AFG2A: variants seen among roughly 807,000 people sequenced by gnomAD.
The protein encoded by AFG2A is ATPase family gene 2 protein homolog A.
At chr4:123,083,460 A>T in the AFG2A span, among the ~76,000 whole-genome samples, 2 of 152,056 alleles carry the variant, frequency 1.3e-5, no homozygotes, top group Non-Finnish European at 2.9e-5. Context: ...ATATAATGTT[A>T]CATCAGTTGT....
chr4:122,991,620 A>T, the AFG2A span, among the ~76,000 whole-genome samples: 1 of 152,248 alleles, frequency 6.6e-6, no homozygotes, highest in Admixed American at 6.5e-5. Flanking sequence ...CTTTTTATAT[A>T]ATGCAGTTGT....
chr4:123,214,261 G>T, the AFG2A span, among the ~76,000 whole-genome samples: 1 of 152,052 alleles, frequency 6.6e-6, no homozygotes, highest in Admixed American at 6.6e-5. Context: ...ACCAACAAAG[G>T]TCACTGGGGT....
chr4:123,043,788 G>T, the AFG2A span, among the ~76,000 whole-genome samples: 3 of 152,186 alleles, frequency 2.0e-5, no homozygotes, highest in Non-Finnish European at 4.4e-5. Context: ...TGTTTGATGA[G>T]ACAAATAAGC....
chr4:123,260,533 T>C, the AFG2A span, among the ~76,000 whole-genome samples: 1 of 152,192 alleles, frequency 6.6e-6, no homozygotes, highest in Non-Finnish European at 1.5e-5. Context: ...TGATTAACGT[T>C]TTTTCTGACA....
chr4:122,947,519 T>C, the AFG2A span: 2 of 1,503,566 alleles, frequency 1.3e-6, no homozygotes, highest in Non-Finnish European at 1.8e-6. Context: ...TGAGTCTCTA[T>C]TGATGCACTT....
chr4:123,261,200 A>G, the AFG2A span, among the ~76,000 whole-genome samples: 1 of 152,156 alleles, frequency 6.6e-6, no homozygotes. Flanking sequence ...CCTAATCAGA[A>G]ACTGCCCTAT....
chr4:123,151,590 C>T, the AFG2A span, among the ~76,000 whole-genome samples: 1 of 152,140 alleles, frequency 6.6e-6, no homozygotes, highest in Non-Finnish European at 1.5e-5. Flanking sequence ...TACCATCTCT[C>T]ACCAGTTAGA....
chr4:123,298,222 T>C, the AFG2A span, among the ~76,000 whole-genome samples: 4 of 152,148 alleles, frequency 2.6e-5, no homozygotes, highest in Non-Finnish European at 4.4e-5. Flanking sequence ...TCTGTAGGGT[T>C]TTGATTACTG....
At chr4:123,228,379 A>G in the AFG2A span, among the ~76,000 whole-genome samples, 1 of 151,874 alleles carries the variant, frequency 6.6e-6, no homozygotes, top group African/African-American at 2.4e-5. Flanking sequence ...TTCCATGTTT[A>G]GTCCCAGCAC....
At chr4:123,299,117 ATGTG>A in the AFG2A span, among the ~76,000 whole-genome samples, 3,795 of 147,194 alleles carry the variant, frequency 0.026, 154 homozygotes, top group African/African-American at 0.085. Context: ...GCATCTGCCA[ATGTG>A]TGTGTGTGTG....
chr4:123,191,807 T>C, the AFG2A span, among the ~76,000 whole-genome samples: 1 of 152,160 alleles, frequency 6.6e-6, no homozygotes, highest in Admixed American at 6.6e-5. Flanking sequence ...TTTGTAGTTC[T>C]TTATATAATC....
At chr4:123,093,518 AG>A in the AFG2A span, among the ~76,000 whole-genome samples, 988 of 152,298 alleles carry the variant, frequency 6.5e-3, 14 homozygotes, top group African/African-American at 0.022. Context: ...GGCTTTGGCC[AG>A]TTTCTTCACT....
the AFG2A span, among the ~76,000 whole-genome samples, chr4:123,118,027 A>C: frequency 6.6e-6 from 1 of 151,908 alleles, no homozygotes; most frequent in African/African-American, 2.4e-5. Flanking sequence ...AAGCAAAGCA[A>C]TAAACTTCAT....
At chr4:123,028,468 T>TATTCGTTCTCCTAA in the AFG2A span, 1 of 1,267,464 alleles carries the variant, frequency 7.9e-7, no homozygotes, top group Non-Finnish European at 1.1e-6. Context: ...CTCCTACCTT[T>TATTCGTTCTCCTAA]AGGAGAACGA....
chr4:123,256,252 T>C, the AFG2A span: 1 of 1,550,292 alleles, frequency 6.5e-7, no homozygotes, highest in Non-Finnish European at 8.8e-7. Flanking sequence ...CAAAATAAAT[T>C]GCTTGCCCTG....
chr4:122,925,303 A>C, the AFG2A span, among the ~76,000 whole-genome samples: 3 of 152,186 alleles, frequency 2.0e-5, no homozygotes, highest in African/African-American at 7.2e-5. Context: ...CTGATTTTCC[A>C]GCTTCCAATT....
the AFG2A span, among the ~76,000 whole-genome samples, chr4:123,049,371 T>C: frequency 6.6e-6 from 1 of 152,176 alleles, no homozygotes. Context: ...CTTCATTGAA[T>C]AAATTTGAAT....
At chr4:122,998,688 T>C in the AFG2A span, among the ~76,000 whole-genome samples, 3 of 152,170 alleles carry the variant, frequency 2.0e-5, no homozygotes, top group East Asian at 1.9e-4. Flanking sequence ...ATATGTGCCA[T>C]ATTTTCTTAA....
the AFG2A span, among the ~76,000 whole-genome samples, chr4:123,222,113 G>A: frequency 3.3e-5 from 5 of 152,130 alleles, no homozygotes; most frequent in Admixed American, 1.3e-4. Flanking sequence ...TTACTTATTT[G>A]TATTTCTGGC....
Sources: allele counts gnomAD v4.1 joint callset (sites outside exome capture counted in the v4.1 genomes callset), GRCh38; gene constraint gnomAD v4.1.1; transcripts MANE v1.5; gene names NCBI Gene and HGNC (gene_info 2026-07-23, HGNC 2026-07-21).